The following GABRG3 variants were observed in gnomAD, a reference collection of about 807,000 sequenced individuals.
The protein encoded by GABRG3 is gamma-aminobutyric acid type A receptor subunit gamma3, also known as gamma-aminobutyric acid receptor subunit gamma-3.
GABRG3 carries 25 observed loss-of-function variants against 48.8 expected under a neutral mutation model. The ratio of observed to expected loss-of-function variants is 0.51; its 90% CI spans 0.37 to 0.72. The LOEUF is 0.72. Ranked by LOEUF, GABRG3 falls within the 30% of genes least tolerant of loss-of-function variation. The probability of loss-of-function intolerance (pLI) is 0.00; values close to 1 mark genes in which losing one functional copy is unlikely to be tolerated. For synonymous variants in GABRG3, 227 were observed against 217.6 expected (o/e 1.04, Z -0.38); for missense variants, 394 against 577.9 (o/e 0.68, Z 3.26).
At chr15:27,495,352 T>A (rs1240074314) in intron 6 of GABRG3, among the ~76,000 whole-genome samples, 2 of 152,234 alleles carry the variant, frequency 1.3e-5, no homozygotes, top group Non-Finnish European at 2.9e-5. Flanking sequence ...TGCCATATTT[T>A]TAAAATTCAT....
At chr15:27,005,876 T>TG (rs112464952) in intron 2 of GABRG3, among the ~76,000 whole-genome samples, 3 of 152,332 alleles carry the variant, frequency 2.0e-5, no homozygotes, top group African/African-American at 7.2e-5. Context: ...TTTGTACCTT[T>TG]GGAAGTGGAA....
chr15:27,530,682 C>T (rs1451333992), intron 9 of GABRG3: 1 of 471,022 alleles, frequency 2.1e-6, no homozygotes, highest in Admixed American at 2.3e-5. Flanking sequence ...GCCATCCCCG[C>T]ATCAGCAGAG....
chr15:27,282,918 G>C (rs557769019), intron 3 of GABRG3, among the ~76,000 whole-genome samples: 67 of 152,264 alleles, frequency 4.4e-4, no homozygotes, highest in African/African-American at 1.6e-3. Flanking sequence ...GTAGGGAGGG[G>C]CATTCCTAAC....
chr15:27,193,364 G>A (rs956637715), intron 3 of GABRG3, among the ~76,000 whole-genome samples: 1 of 152,034 alleles, frequency 6.6e-6, no homozygotes, highest in Non-Finnish European at 1.5e-5. Flanking sequence ...AGCTGTGGTG[G>A]GCTCCACCCA....
At chr15:27,242,263 G>A (rs1218693868) in intron 3 of GABRG3, among the ~76,000 whole-genome samples, 1 of 152,220 alleles carries the variant, frequency 6.6e-6, no homozygotes, top group African/African-American at 2.4e-5. Flanking sequence ...TGTTCTCTAA[G>A]CTGGACATGT....
intron 5 of GABRG3, among the ~76,000 whole-genome samples, chr15:27,335,995 G>A (rs536504486): frequency 9.2e-5 from 14 of 151,926 alleles, no homozygotes; most frequent in Admixed American, 4.6e-4. Context: ...TGAGACCAGC[G>A]TGACCAATAT....
intron 3 of GABRG3, among the ~76,000 whole-genome samples, chr15:27,131,041 C>G (rs1595541623): frequency 6.6e-6 from 1 of 151,820 alleles, no homozygotes; most frequent in African/African-American, 2.4e-5. Context: ...CTTTTCTTTC[C>G]TAATTACTCT....
chr15:27,493,927 T>C (rs559313347), intron 6 of GABRG3, among the ~76,000 whole-genome samples: 12 of 152,272 alleles, frequency 7.9e-5, no homozygotes, highest in African/African-American at 2.9e-4. Context: ...GGTGTTTGGA[T>C]GGAAGGTTTG....
At chr15:27,196,276 TTGAG>T (rs1888493332) in intron 3 of GABRG3, among the ~76,000 whole-genome samples, 1 of 152,130 alleles carries the variant, frequency 6.6e-6, no homozygotes, top group East Asian at 1.9e-4. Context: ...TCCTTCATGT[TTGAG>T]TATCACCAAG....
chr15:27,517,988 T>A (rs949898182), intron 6 of GABRG3, among the ~76,000 whole-genome samples: 1 of 151,916 alleles, frequency 6.6e-6, no homozygotes, highest in African/African-American at 2.4e-5. Context: ...CTGCAAAAAA[T>A]TCTAATTTAT....
At chr15:27,165,842 G>A (rs1271447101) in intron 3 of GABRG3, among the ~76,000 whole-genome samples, 1 of 152,132 alleles carries the variant, frequency 6.6e-6, no homozygotes, top group Non-Finnish European at 1.5e-5. Flanking sequence ...AAAGGAGGAG[G>A]TGGTTGCTAG....
chr15:27,353,398 A>G (rs1487817699), intron 5 of GABRG3, among the ~76,000 whole-genome samples: 1 of 151,426 alleles, frequency 6.6e-6, no homozygotes, highest in Non-Finnish European at 1.5e-5. Context: ...TCCTCTTCCC[A>G]TAGATGTGTG....
Position 27,527,425 on chromosome 15 carries a change from C to T in GABRG3, c.866-8C>T. 6.2e-7 allele frequency: 1 copy of T among 1,611,522 alleles called. No individual in the cohort carries two copies. The highest frequency in any genetic ancestry group is 8.5e-7 in the Non-Finnish European group (1 of 1,178,426). ...CCTTTTACAACATGCTACCCGTCCC[C>T]TGTTCAGGCATCACCACGGTGCTGA... On this transcript the variant is annotated splice_polypyrimidine_tract_variant and splice_region_variant and intron_variant, in intron 7 of 9. Coordinates refer to ENST00000615808, the MANE Select transcript of GABRG3 (RefSeq NM_033223.5).
At chr15:27,454,540 G>A (rs567521088) in intron 5 of GABRG3, among the ~76,000 whole-genome samples, 71 of 152,122 alleles carry the variant, frequency 4.7e-4, no homozygotes, top group Non-Finnish European at 8.1e-4. Flanking sequence ...AGTCCAAGGC[G>A]CCTCATGACT....
intron 5 of GABRG3, among the ~76,000 whole-genome samples, chr15:27,410,324 T>C (rs1887757631): frequency 2.0e-5 from 3 of 152,308 alleles, no homozygotes; most frequent in African/African-American, 7.2e-5. Flanking sequence ...TCATTTTTCA[T>C]CTCAATTTAT....
At chr15:27,465,455 C>T (rs1248184638) in intron 5 of GABRG3, among the ~76,000 whole-genome samples, 1 of 152,226 alleles carries the variant, frequency 6.6e-6, no homozygotes, top group African/African-American at 2.4e-5. Flanking sequence ...CACAATGCAG[C>T]ATCCGTTCCA....
chr15:27,071,803 G>A (rs1002779757), intron 3 of GABRG3, among the ~76,000 whole-genome samples: 4 of 152,210 alleles, frequency 2.6e-5, no homozygotes, highest in Non-Finnish European at 5.9e-5. Flanking sequence ...CCTTCTTAAA[G>A]TGTATCTTAA....
At chr15:27,055,236 T>C (rs1414189513) in intron 3 of GABRG3, among the ~76,000 whole-genome samples, 4 of 152,080 alleles carry the variant, frequency 2.6e-5, no homozygotes. Context: ...CGGAGCAGCT[T>C]GCTAGCACGT....
intron 2 of GABRG3, among the ~76,000 whole-genome samples, chr15:27,014,239 G>C (rs1341883330): frequency 6.6e-6 from 1 of 151,424 alleles, no homozygotes; most frequent in African/African-American, 2.4e-5. Flanking sequence ...TGATCTTTTC[G>C]AAGAATCAGC....
Sources: allele counts gnomAD v4.1 joint callset (sites outside exome capture counted in the v4.1 genomes callset), GRCh38; gene constraint gnomAD v4.1.1; transcripts MANE v1.5; gene names NCBI Gene and HGNC (gene_info 2026-07-23, HGNC 2026-07-21).